Variants in NRXN1 observed in about 807,000 individuals in gnomAD.
The protein encoded by NRXN1 is neurexin 1, also known as neurexin-1.
In NRXN1, 39 loss-of-function variants were observed where a neutral mutation model predicts 150.9. That is an observed-to-expected ratio of 0.26 (90% CI 0.20 to 0.34). The LOEUF is 0.34. Ranked by LOEUF, NRXN1 falls within the 10% of genes least tolerant of loss-of-function variation. The pLI is 1.00. For synonymous variants in NRXN1, 924 were observed against 757.0 expected (o/e 1.22, Z -3.62); for missense variants, 1,815 against 1,949.9 (o/e 0.93, Z 1.30).
intron 5 of NRXN1, among the ~76,000 whole-genome samples, chr2:50,903,778 C>T (rs1683278971): frequency 6.6e-6 from 1 of 152,142 alleles, no homozygotes; most frequent in African/African-American, 2.4e-5. Context: ...AGCTGAATGG[C>T]TCAAAGGTAC....
chr2:50,830,643 T>C (rs1574633448), intron 5 of NRXN1, among the ~76,000 whole-genome samples: 1 of 151,412 alleles, frequency 6.6e-6, no homozygotes, highest in African/African-American at 2.4e-5. Context: ...CAGTTCCCTG[T>C]TCTGTCAGAA....
In NRXN1 at chr2:50,596,898, G is replaced by A. The variant is rs970329469; in HGVS notation, c.1320+23124C>T. 5.2e-5 allele frequency among the ~76,000 whole-genome samples: 6 copies of A among 114,584 alleles called. No homozygotes were observed. The East Asian group carries it at 1.4e-3, about 26-fold the overall frequency. 75.2% of individuals were successfully genotyped at this position (114,584 alleles called of 152,430 possible). On this transcript the variant is annotated intron_variant, in intron 8 of 22. Coordinates refer to ENST00000401669, the MANE Select transcript of NRXN1 (RefSeq NM_001330078.2). ...TTTTTTTTTTTTTTGACCCAGTCTC[G>A]CTCTGTTACCCAGGCTGGATTACTG...
intron 5 of NRXN1, among the ~76,000 whole-genome samples, chr2:50,636,817 T>A (rs2104447865): frequency 1.3e-5 from 2 of 152,310 alleles, no homozygotes; most frequent in South Asian, 4.1e-4. Flanking sequence ...GATTTGCTAG[T>A]GTTACAGATT....
rs946269986 is a variant in NRXN1 at position 50,277,423 on chromosome 2, T to TCCTC, written c.3365-40457_3365-40454dup. Among the ~76,000 whole-genome samples, 23 of 149,840 alleles carry TCCTC rather than the reference T, an allele frequency of 1.5e-4. 1 individual carries two copies. The highest frequency in any genetic ancestry group is 2.7e-4 in the Non-Finnish European group (18 of 67,394). ...TTCCTCCCTCCTTCCCTTCCTTCCT[T>TCCTC]CCTCCCTCCCTTCCTCCTTCCCTCT... On this transcript the variant is annotated intron_variant, in intron 17 of 22. Transcript: ENST00000401669.
intron 17 of NRXN1, among the ~76,000 whole-genome samples, chr2:50,362,311 C>T (rs1344640793): frequency 1.3e-5 from 2 of 152,144 alleles, no homozygotes; most frequent in African/African-American, 4.8e-5. Flanking sequence ...GTCAAATTGG[C>T]TGTTTGCAGA....
chr2:50,376,070 T>C (rs903520270), intron 17 of NRXN1, among the ~76,000 whole-genome samples: 15 of 147,152 alleles, frequency 1.0e-4, no homozygotes, highest in African/African-American at 3.1e-4. Flanking sequence ...CACACACACA[T>C]ATTGACTATA....
intron 21 of NRXN1, among the ~76,000 whole-genome samples, chr2:49,976,017 ATTTTTTTTTT>A (rs10597958): frequency 8.7e-5 from 8 of 91,476 alleles, no homozygotes; most frequent in Non-Finnish European, 1.5e-4. Flanking sequence ...ATGCGGAAGA[ATTTTTTTTTT>A]TTTTTTTTTT....
intron 17 of NRXN1, among the ~76,000 whole-genome samples, chr2:50,354,550 CATACATATATATATATATATATAT>C (rs1292436996): frequency 1.5e-5 from 1 of 66,280 alleles, no homozygotes. Flanking sequence ...GTCTAGAGTG[CATACATATATATATATATATATAT>C]ATATATATAT....
At chr2:51,024,625 C>T (rs1670135482) in intron 2 of NRXN1, among the ~76,000 whole-genome samples, 1 of 152,068 alleles carries the variant, frequency 6.6e-6, no homozygotes, top group Non-Finnish European at 1.5e-5. Context: ...TCTGGAAATT[C>T]ATAGGTGCAT....
At chr2:50,626,960 T>A (rs1312696458) in intron 5 of NRXN1, among the ~76,000 whole-genome samples, 1 of 151,788 alleles carries the variant, frequency 6.6e-6, no homozygotes, top group Non-Finnish European at 1.5e-5. Context: ...AAAACAGATA[T>A]GTATTGCTTA....
At chr2:50,408,727 C>T (rs941389696) in intron 17 of NRXN1, among the ~76,000 whole-genome samples, 3 of 152,062 alleles carry the variant, frequency 2.0e-5, no homozygotes, top group Non-Finnish European at 2.9e-5. Flanking sequence ...ACCTGACTTC[C>T]ATTTGCCCCT....
chr2:50,152,566 G>T (rs1324378632), intron 18 of NRXN1, among the ~76,000 whole-genome samples: 5 of 151,732 alleles, frequency 3.3e-5, no homozygotes, highest in Admixed American at 2.6e-4. Context: ...CACTTTCAAA[G>T]AACAGTTTTG....
At chr2:50,053,708 G>A in intron 20 of NRXN1, 118 bp from the exon 21 acceptor site, 1 of 990,024 alleles carries the variant, frequency 1.0e-6, no homozygotes, top group Non-Finnish European at 1.5e-6. Flanking sequence ...TATAAGAGAG[G>A]CATTTGACTC....
At chr2:50,787,981 G>A (rs538512258) in intron 5 of NRXN1, among the ~76,000 whole-genome samples, 1 of 152,026 alleles carries the variant, frequency 6.6e-6, no homozygotes, top group Non-Finnish European at 1.5e-5. Flanking sequence ...GACCTATTGT[G>A]AGTCTGCAGA....
intron 2 of NRXN1, among the ~76,000 whole-genome samples, chr2:50,985,109 T>C (rs1697483969): frequency 6.6e-6 from 1 of 151,902 alleles, no homozygotes; most frequent in Non-Finnish European, 1.5e-5. Flanking sequence ...CTTAAAAATA[T>C]AAAACATACA....
chr2:50,667,501 C>A (rs936507129), intron 5 of NRXN1, among the ~76,000 whole-genome samples: 1 of 151,834 alleles, frequency 6.6e-6, no homozygotes. Context: ...TGTTACTGGG[C>A]AAGTAAAGCT....
intron 18 of NRXN1, among the ~76,000 whole-genome samples, chr2:50,145,668 G>C (rs1344001846): frequency 6.6e-6 from 1 of 151,658 alleles, no homozygotes; most frequent in Non-Finnish European, 1.5e-5. Flanking sequence ...CAAATGGCTT[G>C]AGTGTGACAA....
chr2:50,969,101 C>T (rs1006820628), intron 2 of NRXN1, among the ~76,000 whole-genome samples: 10 of 152,118 alleles, frequency 6.6e-5, no homozygotes, highest in Admixed American at 2.0e-4. Context: ...CCCTGAACTC[C>T]ACACAGCTAT....
At chr2:50,208,299 C>G (rs2062761412) in intron 18 of NRXN1, among the ~76,000 whole-genome samples, 1 of 152,056 alleles carries the variant, frequency 6.6e-6, no homozygotes. Context: ...TCCAATGTAT[C>G]AATGAGAGAT....
Sources: gnomAD v4.1 joint callset for allele counts (sites outside exome capture counted in the v4.1 genomes callset) on GRCh38, gnomAD v4.1.1 for gene constraint, MANE v1.5 for transcripts, NCBI Gene and HGNC (gene_info 2026-07-23, HGNC 2026-07-21) for gene names.